TPO: variants seen among roughly 807,000 people sequenced by gnomAD.
TPO encodes thyroid microsomal antigen.
A neutral mutation model predicts 96.9 loss-of-function variants in TPO; 78 were observed. The ratio of observed to expected loss-of-function variants is 0.81; its 90% CI spans 0.67 to 0.97. The LOEUF is 0.97. TPO is among the 50% of genes least tolerant of loss of function. The pLI is 0.00. For missense variants in TPO, 1,252 were observed against 1,274.8 expected (o/e 0.98, Z 0.27); for synonymous variants, 547 against 538.0 (o/e 1.02, Z -0.23).
chr2:1,434,742 A>C (rs1454735368), intron 4 of TPO, among the ~76,000 whole-genome samples: 1 of 152,182 alleles, frequency 6.6e-6, no homozygotes, highest in Non-Finnish European at 1.5e-5. Flanking sequence ...GAACTCCATA[A>C]TTTAGAATTT....
At chr2:1,460,092 T>A (rs558952178) in intron 7 of TPO, among the ~76,000 whole-genome samples, 1 of 152,050 alleles carries the variant, frequency 6.6e-6, no homozygotes. Context: ...TGCGCCACCA[T>A]GCCTGGCTAA....
At chr2:1,411,304 A>G (rs1465347096), upstream of TPO, among the ~76,000 whole-genome samples, 3 of 152,128 alleles carry the variant, frequency 2.0e-5, no homozygotes, top group Non-Finnish European at 4.4e-5. Context: ...GCGGGGTCAA[A>G]TGGTAACAGC....
In TPO at chr2:1,540,826, A is replaced by T. The variant is rs773218842; in HGVS notation, c.2748+103A>T. On this transcript the variant is annotated intron_variant, in intron 16 of 16. Transcript: ENST00000329066. Reference sequence around the variant, plus strand: ...TGGGGCTCCCTGCATATTTCTGTTTACTCCGTGTTTCCTAGTCCGTTCTGC... The same window carrying T: ...TGGGGCTCCCTGCATATTTCTGTTTTCTCCGTGTTTCCTAGTCCGTTCTGC... 3 of 1,595,914 alleles carry T rather than the reference A, an allele frequency of 1.9e-6. No individual in the cohort carries two copies. In the Admixed American group the frequency reaches 5.3e-5, roughly 28 times the overall value.
chr2:1,393,474 G>A (rs1026460227), intron 1 of TPO, among the ~76,000 whole-genome samples: 9 of 152,210 alleles, frequency 5.9e-5, no homozygotes, highest in African/African-American at 2.2e-4. Flanking sequence ...TGGAAGAGGT[G>A]GGTGTTGGGG....
chr2:1,398,940 G>T (rs1352571930), intron 1 of TPO, among the ~76,000 whole-genome samples: 1 of 152,204 alleles, frequency 6.6e-6, no homozygotes, highest in African/African-American at 2.4e-5. Context: ...GAAGCTCCAG[G>T]CCCAGGAGGC....
At chr2:1,417,997 T>TATC (rs573288335) in intron 2 of TPO, among the ~76,000 whole-genome samples, 131 of 147,860 alleles carry the variant, frequency 8.9e-4, no homozygotes, top group African/African-American at 3.0e-3. Flanking sequence ...CCCAACACAG[T>TATC]ATCAGGCCAG....
intron 10 of TPO, among the ~76,000 whole-genome samples, chr2:1,489,616 G>A (rs560609904): frequency 6.6e-6 from 1 of 152,192 alleles, no homozygotes; most frequent in Admixed American, 6.5e-5. Flanking sequence ...CAGAACCGTC[G>A]ACTGGCACAG....
intron 1 of TPO, among the ~76,000 whole-genome samples, chr2:1,381,933 G>T (rs541730083): frequency 6.6e-6 from 1 of 152,238 alleles, no homozygotes; most frequent in East Asian, 1.9e-4. Flanking sequence ...TAGAGAAATT[G>T]TGCCTGGCAG....
chr2:1,445,608 G>T (rs1429041958), intron 5 of TPO, among the ~76,000 whole-genome samples: 4 of 148,004 alleles, frequency 2.7e-5, no homozygotes. Context: ...CATTGCTGCA[G>T]GAGGTACCAT....
chr2:1,472,526 G>T (rs1051416502), intron 7 of TPO, among the ~76,000 whole-genome samples: 1 of 152,134 alleles, frequency 6.6e-6, no homozygotes, highest in Non-Finnish European at 1.5e-5. Context: ...ACTCAGTAGT[G>T]ATGTGTCCTG....
chr2:1,513,111 C>T (rs1373271139), intron 14 of TPO, among the ~76,000 whole-genome samples: 1 of 152,354 alleles, frequency 6.6e-6, no homozygotes, highest in East Asian at 1.9e-4. Context: ...GGACCCAGCA[C>T]TGTCCCTGGA....
chr2:1,457,745 G>A (rs1667972592), intron 7 of TPO, among the ~76,000 whole-genome samples: 2 of 151,996 alleles, frequency 1.3e-5, no homozygotes, highest in African/African-American at 4.8e-5. Context: ...ATAGCATATA[G>A]GATTATGTGT....
intron 7 of TPO, among the ~76,000 whole-genome samples, chr2:1,471,771 G>A (rs1385863057): frequency 6.6e-6 from 1 of 152,170 alleles, no homozygotes; most frequent in East Asian, 1.9e-4. Context: ...TAAGAAGCTG[G>A]TGTAGACAGC....
intron 7 of TPO, among the ~76,000 whole-genome samples, chr2:1,458,811 G>A: frequency 6.6e-6 from 1 of 152,196 alleles, no homozygotes; most frequent in Middle Eastern, 3.2e-3. Flanking sequence ...TTACAACTTA[G>A]TATTCCATTT....
intron 14 of TPO, among the ~76,000 whole-genome samples, chr2:1,515,458 T>C (rs1257082816): frequency 6.6e-6 from 1 of 152,122 alleles, no homozygotes; most frequent in Non-Finnish European, 1.5e-5. Context: ...AGTCATGAGG[T>C]GCAAAGGCTA....
intron 15 of TPO, among the ~76,000 whole-genome samples, chr2:1,521,893 T>G (rs1479856515): frequency 6.6e-6 from 1 of 151,936 alleles, no homozygotes; most frequent in Non-Finnish European, 1.5e-5. Flanking sequence ...AGTCCCCCCG[T>G]GGGTTCAGCT....
chr2:1,483,761 G>A (rs1031418928), intron 8 of TPO, among the ~76,000 whole-genome samples: 5 of 152,168 alleles, frequency 3.3e-5, no homozygotes, highest in Admixed American at 1.3e-4. Context: ...AGCGAGGGCA[G>A]GTGCACCTTC....
chr2:1,460,489 T>G (rs17091737), intron 7 of TPO, among the ~76,000 whole-genome samples: 65,452 of 151,846 alleles, frequency 0.43, 14,319 homozygotes, highest in South Asian at 0.58. Flanking sequence ...TAACTTATTA[T>G]CTGCGTGTAT....
intron 7 of TPO, among the ~76,000 whole-genome samples, chr2:1,469,522 C>T (rs910860225): frequency 6.6e-6 from 1 of 152,174 alleles, no homozygotes; most frequent in Admixed American, 6.5e-5. Flanking sequence ...CAAAGTTCAG[C>T]TGGCAGTTTC....
Sources: gnomAD v4.1 joint callset for allele counts (sites outside exome capture counted in the v4.1 genomes callset) on GRCh38, gnomAD v4.1.1 for gene constraint, MANE v1.5 for transcripts, NCBI Gene and HGNC (gene_info 2026-07-23, HGNC 2026-07-21) for gene names.